The following QRICH1 variants were observed in gnomAD, a reference collection of about 807,000 sequenced individuals.
QRICH1 encodes transcriptional regulator QRICH1.
QRICH1 carries 16 observed loss-of-function variants against 87.1 expected under a neutral mutation model. That is an observed-to-expected ratio of 0.18 (90% CI 0.12 to 0.28). QRICH1 has a LOEUF of 0.28. QRICH1 is among the 10% of genes least tolerant of loss of function. The probability of loss-of-function intolerance (pLI) is 1.00; values close to 1 mark genes in which losing one functional copy is unlikely to be tolerated. For synonymous variants in QRICH1, 367 were observed against 368.4 expected (o/e 1.00, Z 0.05); for missense variants, 647 against 951.7 (o/e 0.68, Z 4.21).
chr3:49,033,092 C>T, intron 7 of QRICH1, 28 bp downstream of exon 7: 1 of 1,421,086 alleles, frequency 7.0e-7, no homozygotes, highest in Non-Finnish European at 9.5e-7. Flanking sequence ...TGGACAGATG[C>T]CAGCAGTGGA....
rs139846271 is a variant in QRICH1 at position 49,079,546 on chromosome 3, A to C, written c.-21-2508T>G. 3.5e-3 allele frequency among the ~76,000 whole-genome samples: 517 copies of C among 149,762 alleles called. 5 individuals carry two copies. Among genetic ancestry groups the C allele is most frequent in the Non-Finnish European group, 5.1e-3 (342 of 67,560 alleles). On this transcript the variant is annotated intron_variant, in intron 1 of 9. Coordinates refer to ENST00000395443, the MANE Select transcript of QRICH1 (RefSeq NM_198880.3). Reference sequence around the variant, plus strand: ...TATAATAAAATACTATAATAAAATAATAATAATTAAGTGGTCAACGATGTC... The same window carrying C: ...TATAATAAAATACTATAATAAAATACTAATAATTAAGTGGTCAACGATGTC...
chr3:49,059,886 T>A (rs2093425026), intron 2 of QRICH1, among the ~76,000 whole-genome samples: 1 of 140,882 alleles, frequency 7.1e-6, no homozygotes, highest in African/African-American at 2.6e-5. Flanking sequence ...TCCAGCTAAC[T>A]TTTTTTTTTT....
chr3:49,066,751 T>C (rs569133076), intron 2 of QRICH1, among the ~76,000 whole-genome samples: 1 of 152,290 alleles, frequency 6.6e-6, no homozygotes, highest in East Asian at 1.9e-4. Context: ...AGAAATCATT[T>C]AAAAGGCCAA....
intron 2 of QRICH1, among the ~76,000 whole-genome samples, chr3:49,069,845 C>G (rs905189186): frequency 2.6e-5 from 4 of 152,130 alleles, no homozygotes; most frequent in South Asian, 2.1e-4. Flanking sequence ...ACTTGCTCAT[C>G]AAGGTAATGT....
chr3:49,066,203 A>G (rs1468325876), intron 2 of QRICH1, among the ~76,000 whole-genome samples: 1 of 151,938 alleles, frequency 6.6e-6, no homozygotes, highest in Non-Finnish European at 1.5e-5. Flanking sequence ...TGGGAGAACT[A>G]CTTGAACTCA....
intron 1 of QRICH1, among the ~76,000 whole-genome samples, chr3:49,090,628 C>CAAAA (rs35351750): frequency 1.0e-4 from 12 of 119,490 alleles, no homozygotes; most frequent in Non-Finnish European, 1.4e-4. Context: ...AACTCCATCT[C>CAAAA]AAAAAAAAAA....
intron 3 of QRICH1, among the ~76,000 whole-genome samples, chr3:49,047,630 T>C (rs1168761822): frequency 1.3e-5 from 2 of 151,948 alleles, no homozygotes; most frequent in Non-Finnish European, 1.5e-5. Context: ...TTTACAGGCA[T>C]GCACCAACAC....
chr3:49,092,710 T>C (rs1299499989), intron 1 of QRICH1, among the ~76,000 whole-genome samples: 1 of 152,150 alleles, frequency 6.6e-6, no homozygotes, highest in Non-Finnish European at 1.5e-5. Context: ...TAGAACTTCC[T>C]TGACACCAAA....
At chr3:49,055,159 C>T (rs1209791844) in intron 3 of QRICH1, among the ~76,000 whole-genome samples, 2 of 152,160 alleles carry the variant, frequency 1.3e-5, no homozygotes, top group Non-Finnish European at 2.9e-5. Context: ...AACAATGTCA[C>T]CTAGGATAAT....
intron 6 of QRICH1, among the ~76,000 whole-genome samples, chr3:49,034,050 G>C (rs1172726638): frequency 6.7e-6 from 1 of 149,718 alleles, no homozygotes; most frequent in Non-Finnish European, 1.5e-5. Context: ...TTCTTCTCTA[G>C]ATAAAGAGAC....
At chr3:49,055,932 G>C (rs2093399551) in intron 3 of QRICH1, among the ~76,000 whole-genome samples, 1 of 151,980 alleles carries the variant, frequency 6.6e-6, no homozygotes, top group Non-Finnish European at 1.5e-5. Flanking sequence ...ACCCGCCTTG[G>C]CCTCCCAAAG....
chr3:49,032,581 A>C, intron 8 of QRICH1, 41 bp downstream of exon 8: 1 of 1,531,042 alleles, frequency 6.5e-7, no homozygotes, highest in Non-Finnish European at 8.8e-7. Context: ...AGGGCAGGAC[A>C]AGTAGCACCT....
chr3:49,032,807 G>A (rs2093250061), intron 7 of QRICH1, 34 bp from the exon 8 acceptor site: 3 of 1,590,468 alleles, frequency 1.9e-6, no homozygotes, highest in South Asian at 1.1e-5. Context: ...GCAGAGGGAG[G>A]GGTGCCGGGA....
intron 6 of QRICH1, among the ~76,000 whole-genome samples, chr3:49,034,214 G>A (rs2093260773): frequency 6.6e-6 from 1 of 150,384 alleles, no homozygotes; most frequent in Non-Finnish European, 1.5e-5. Context: ...AGGCGGAGGT[G>A]GGAGAATTGT....
In QRICH1 at chr3:49,093,963, C is replaced by G. The variant is rs1479673416; in HGVS notation, c.-73G>C. The G allele has an allele frequency of 4.9e-6, 2 of 404,564 alleles. No homozygotes were observed. Among genetic ancestry groups the G allele is most frequent in the African/African-American group, 4.1e-5 (2 of 48,618 alleles). 25.1% of individuals were successfully genotyped at this position (404,564 alleles called of 1,614,324 possible). ...GCCGCCTCCGCTGCACCCGCCGGCC[C>G]CGCCGCACCGCCAGGGACCCTGGTT... is the stretch of plus-strand genomic sequence containing the variant. On this transcript the variant is annotated 5_prime_UTR_variant, in exon 1 of 10. Coordinates refer to ENST00000395443, the MANE Select transcript of QRICH1 (RefSeq NM_198880.3).
intron 3 of QRICH1, among the ~76,000 whole-genome samples, chr3:49,055,651 C>T (rs760112730): frequency 1.6e-4 from 24 of 152,208 alleles, no homozygotes; most frequent in Non-Finnish European, 3.2e-4. Context: ...GCAACTGCCA[C>T]TGCACCCAGC....
At chr3:49,071,555 C>T (rs1208071439) in intron 2 of QRICH1, among the ~76,000 whole-genome samples, 1 of 152,074 alleles carries the variant, frequency 6.6e-6, no homozygotes. Context: ...GTCAGGAGTT[C>T]AAGACCAGTC....
intron 3 of QRICH1, among the ~76,000 whole-genome samples, chr3:49,049,585 C>A (rs1355303911): frequency 6.6e-6 from 1 of 152,122 alleles, no homozygotes; most frequent in Non-Finnish European, 1.5e-5. Context: ...ACAACCTCCG[C>A]CTCCCAGGTT....
At position 49,030,332 on chromosome 3, in the gene QRICH1, G is replaced by A. The variant is rs143266438; in HGVS notation, c.*120C>T. ...TTTATATTTTAAACAGAAGCAGCCT[G>A]AAAGGCTTCGTAACTACACCAATAA... On this transcript the variant is annotated 3_prime_UTR_variant, in exon 10 of 10. Coordinates refer to ENST00000395443, the MANE Select transcript of QRICH1 (RefSeq NM_198880.3). The A allele has an allele frequency of 1.9e-3, 1,833 of 960,964 alleles. 48 individuals carry two copies. In the East Asian group the frequency reaches 0.045, roughly 24 times the overall value. The allele number at this position is 960,964 out of a possible 1,614,324, so 59.5% of individuals were successfully genotyped here.
Sources: gnomAD v4.1 joint callset for allele counts (sites outside exome capture counted in the v4.1 genomes callset) on GRCh38, gnomAD v4.1.1 for gene constraint, MANE v1.5 for transcripts, NCBI Gene and HGNC (gene_info 2026-07-23, HGNC 2026-07-21) for gene names.